CLEC16A: variants seen among roughly 807,000 people sequenced by gnomAD.
The protein encoded by CLEC16A is protein CLEC16A.
Under a neutral mutation model 109.5 loss-of-function variants are expected in CLEC16A, and 51 were observed. That is an observed-to-expected ratio of 0.47 (90% CI 0.37 to 0.59). CLEC16A has a LOEUF of 0.59. CLEC16A is among the 20% of genes least tolerant of loss of function. The probability of loss-of-function intolerance (pLI) is 0.00; values close to 1 mark genes in which losing one functional copy is unlikely to be tolerated. For missense variants in CLEC16A, 1,339 were observed against 1,394.0 expected (o/e 0.96, Z 0.63); for synonymous variants, 673 against 564.2 (o/e 1.19, Z -2.73).
intron 19 of CLEC16A, among the ~76,000 whole-genome samples, chr16:11,107,848 A>G (rs2051317371): frequency 6.6e-6 from 1 of 152,164 alleles, no homozygotes; most frequent in Admixed American, 6.5e-5. Flanking sequence ...CAGGGTGGTG[A>G]CCTGGGAGAG....
At chr16:11,010,271 C>G (rs1359173875) in intron 11 of CLEC16A, among the ~76,000 whole-genome samples, 1 of 152,022 alleles carries the variant, frequency 6.6e-6, no homozygotes, top group African/African-American at 2.4e-5. Context: ...ACTTGAATAC[C>G]TCTTTCATAA....
chr16:11,131,292 C>G (rs771530492), intron 22 of CLEC16A, among the ~76,000 whole-genome samples: 4 of 152,224 alleles, frequency 2.6e-5, no homozygotes, highest in Non-Finnish European at 4.4e-5. Flanking sequence ...TAGAATCTGT[C>G]ATGATGGGCA....
intron 7 of CLEC16A, 32 bp from the exon 8 acceptor site, chr16:10,977,193 C>T: frequency 1.9e-6 from 3 of 1,603,104 alleles, no homozygotes; most frequent in Non-Finnish European, 2.6e-6. Flanking sequence ...TAGTGTTGGC[C>T]TCCAGGCTGA....
At position 11,023,810 on chromosome 16, in the gene CLEC16A, T is replaced by G. The variant is rs184043873; in HGVS notation, c.1437-1011T>G. On this transcript the variant is annotated intron_variant, in intron 12 of 23. Transcript: ENST00000409790. ...AATTAAATGTGCCCTTGGTCACTCA[T>G]GAAGGTGCTCTGTTCTCTTGGCCTC... 7.9e-5 allele frequency among the ~76,000 whole-genome samples: 12 copies of G among 152,268 alleles called. No individual in the cohort carries two copies. The East Asian group carries it at 2.3e-3, about 29-fold the overall frequency.
intron 19 of CLEC16A, among the ~76,000 whole-genome samples, chr16:11,091,262 C>T (rs537985891): frequency 6.6e-6 from 1 of 152,338 alleles, no homozygotes; most frequent in East Asian, 1.9e-4. Flanking sequence ...TCACTTATTT[C>T]AAAGGGTAAA....
chr16:10,972,474 C>CTTCCCAGGTCCT, intron 5 of CLEC16A, 80 bp from the exon 6 acceptor site: 1 of 1,354,612 alleles, frequency 7.4e-7, no homozygotes, highest in East Asian at 2.3e-5. Flanking sequence ...GCTCTCTCAC[C>CTTCCCAGGTCCT]TTCCCAGGTC....
intron 22 of CLEC16A, chr16:11,126,653 C>T: frequency 9.7e-6 from 2 of 207,010 alleles, no homozygotes; most frequent in Middle Eastern, 1.8e-3. Flanking sequence ...CTCCTCCGCT[C>T]CTCCCAAAAC....
intron 22 of CLEC16A, among the ~76,000 whole-genome samples, chr16:11,163,472 G>A (rs41370): frequency 0.68 from 104,117 of 152,048 alleles, 36,576 homozygotes; most frequent in African/African-American, 0.82. Flanking sequence ...GGATGGGATC[G>A]GTAGTTGGTG....
intron 13 of CLEC16A, 135 bp downstream of exon 13, chr16:11,025,056 G>A: frequency 1.5e-6 from 1 of 650,384 alleles, no homozygotes; most frequent in Non-Finnish European, 2.7e-6. Flanking sequence ...GGTCCTTTTT[G>A]GTTTTGACTC....
At chr16:11,073,788 GCCTGGCA>G (rs1464491225) in intron 19 of CLEC16A, among the ~76,000 whole-genome samples, 1 of 152,228 alleles carries the variant, frequency 6.6e-6, no homozygotes, top group Non-Finnish European at 1.5e-5. Context: ...CTGGCACAGG[GCCTGGCA>G]CATAGTAGAC....
At chr16:11,117,347 A>G (rs1432130298) in intron 19 of CLEC16A, among the ~76,000 whole-genome samples, 1 of 152,192 alleles carries the variant, frequency 6.6e-6, no homozygotes, top group South Asian at 2.1e-4. Context: ...AAACAACAAA[A>G]CATCTCACCT....
chr16:11,159,105 C>G (rs1428018351), intron 22 of CLEC16A, among the ~76,000 whole-genome samples: 1 of 152,214 alleles, frequency 6.6e-6, no homozygotes, highest in Admixed American at 6.5e-5. Flanking sequence ...TCCAGCTTCT[C>G]TTGACAAACT....
At position 10,944,616 on chromosome 16, in the gene CLEC16A, T is replaced by TCCG. The variant is rs1471790085; in HGVS notation, c.-94_-92dup. ...GGCGGCTCGCGGTTCCTCCACCGCC[T>TCCG]CCGCCGCCGCATCCTCCGCTTGTGC... On this transcript the variant is annotated 5_prime_UTR_variant, in exon 1 of 24. Coordinates refer to ENST00000409790, the MANE Select transcript of CLEC16A (RefSeq NM_015226.3). 9 of 1,165,956 alleles carry TCCG rather than the reference T, an allele frequency of 7.7e-6. No homozygotes were observed. In the Admixed American group the frequency reaches 1.7e-4, roughly 22 times the overall value. The allele number at this position is 1,165,956 out of a possible 1,614,324, so 72.2% of individuals were successfully genotyped here.
At chr16:10,978,426 G>T (rs1169380680) in intron 8 of CLEC16A, among the ~76,000 whole-genome samples, 1 of 152,188 alleles carries the variant, frequency 6.6e-6, no homozygotes, top group South Asian at 2.1e-4. Context: ...CACTACAGAT[G>T]AGTAAATAAA....
chr16:11,091,431 A>C (rs1333128818), intron 19 of CLEC16A, among the ~76,000 whole-genome samples: 4 of 152,128 alleles, frequency 2.6e-5, no homozygotes, highest in Non-Finnish European at 5.9e-5. Context: ...GAAGGCTGTG[A>C]TTCACCTCGT....
chr16:11,025,028 T>C lies in CLEC16A; in HGVS notation c.1537+107T>C, dbSNP rs1174011821. The C allele has an allele frequency of 4.8e-6, 4 of 833,858 alleles. No homozygotes were observed. In the African/African-American group the frequency reaches 5.1e-5, roughly 11 times the overall value. 51.7% of individuals were successfully genotyped at this position (833,858 alleles called of 1,614,324 possible). A position where few individuals can be genotyped will look rare whatever the true frequency, so the allele number is the denominator to read the frequency against. On this transcript the variant is annotated intron_variant, in intron 13 of 23. Coordinates refer to ENST00000409790, the MANE Select transcript of CLEC16A (RefSeq NM_015226.3). ...AAGAAAGGTGCTTTCTGTACAGAAT[T>C]TCCTTTCTGGTTTTGGTGGTCCTTT...
chr16:10,977,882 CAG>C (rs2043108749), intron 8 of CLEC16A, among the ~76,000 whole-genome samples: 1 of 152,038 alleles, frequency 6.6e-6, no homozygotes, highest in Non-Finnish European at 1.5e-5. Flanking sequence ...TTTCCTGAGA[CAG>C]AGACAGAGTG....
chr16:11,009,317 C>A (rs1347919659), intron 11 of CLEC16A, among the ~76,000 whole-genome samples: 6 of 152,138 alleles, frequency 3.9e-5, no homozygotes, highest in Non-Finnish European at 7.4e-5. Flanking sequence ...TATGGCTGGA[C>A]TACATTTCTT....
Position 11,006,589 on chromosome 16 carries a change from T to A in CLEC16A, c.1303+3284T>A, listed in dbSNP as rs547643365. On this transcript the variant is annotated intron_variant, in intron 11 of 23. Transcript: ENST00000409790. Reference sequence around the variant, plus strand: ...CCTCTGCATACCCTGCCAATCCCATTTTAGTAGTGAAATTTTGACTTTAAA... The same window carrying A: ...CCTCTGCATACCCTGCCAATCCCATATTAGTAGTGAAATTTTGACTTTAAA... Among the ~76,000 whole-genome samples the A allele has an allele frequency of 2.6e-5, 4 of 152,272 alleles. No individual in the cohort carries two copies. In the South Asian group the frequency reaches 8.3e-4, roughly 32 times the overall value.
Sources: allele counts gnomAD v4.1 joint callset (sites outside exome capture counted in the v4.1 genomes callset), GRCh38; gene constraint gnomAD v4.1.1; transcripts MANE v1.5; gene names NCBI Gene and HGNC (gene_info 2026-07-23, HGNC 2026-07-21).